Variants in SLC12A6 observed in about 807,000 individuals in gnomAD.
SLC12A6 encodes solute carrier family 12 member 6.
In SLC12A6, 66 loss-of-function variants were observed where a neutral mutation model predicts 135.3. The ratio of observed to expected loss-of-function variants is 0.49; its 90% CI spans 0.40 to 0.60. SLC12A6 has a LOEUF of 0.60. SLC12A6 is among the 20% of genes least tolerant of loss of function. SLC12A6 has a pLI of 0.00. For missense variants in SLC12A6, 1,058 were observed against 1,452.3 expected, an observed-to-expected ratio of 0.73 and a Z score of 4.41; for synonymous variants, 513 against 508.8, an observed-to-expected ratio of 1.01 and a Z score of -0.11.
intron 2 of SLC12A6, among the ~76,000 whole-genome samples, chr15:34,285,618 T>G (rs574769966): frequency 3.5e-5 from 5 of 143,148 alleles, no homozygotes; most frequent in Non-Finnish European, 6.0e-5. Flanking sequence ...CAAATGGCAG[T>G]AAGAAAAAAT....
intron 2 of SLC12A6, among the ~76,000 whole-genome samples, chr15:34,321,922 T>C (rs1889118987): frequency 6.6e-6 from 1 of 152,344 alleles, no homozygotes; most frequent in Non-Finnish European, 1.5e-5. Flanking sequence ...AACTAACCTA[T>C]GATGCAGAAA....
intron 3 of SLC12A6, among the ~76,000 whole-genome samples, chr15:34,266,274 A>G (rs950840459): frequency 3.3e-5 from 5 of 152,224 alleles, no homozygotes; most frequent in Non-Finnish European, 7.3e-5. Context: ...GAAAGCTGAT[A>G]TAATTTTATT....
chr15:34,281,288 A>G (rs1243535493), intron 2 of SLC12A6, among the ~76,000 whole-genome samples: 3 of 152,170 alleles, frequency 2.0e-5, no homozygotes, highest in African/African-American at 7.2e-5. Flanking sequence ...ATAGGTATTG[A>G]AAAAAAGATG....
intron 24 of SLC12A6, among the ~76,000 whole-genome samples, 157 bp downstream of exon 24, chr15:34,235,858 C>T (rs1190523824): frequency 6.6e-6 from 1 of 152,148 alleles, no homozygotes; most frequent in Non-Finnish European, 1.5e-5. Flanking sequence ...AGCTTGTGTA[C>T]AGTGTTCATT....
intron 2 of SLC12A6, among the ~76,000 whole-genome samples, chr15:34,308,820 T>C (rs1396614044): frequency 6.6e-6 from 1 of 152,038 alleles, no homozygotes; most frequent in Non-Finnish European, 1.5e-5. Context: ...TCCATGAAGA[T>C]AATAGAGCTT....
intron 2 of SLC12A6, among the ~76,000 whole-genome samples, chr15:34,310,510 C>T (rs1481922704): frequency 8.8e-6 from 1 of 114,020 alleles, no homozygotes; most frequent in African/African-American, 3.7e-5. Context: ...ATGTGTGTGT[C>T]CCCGTGGCCA....
At chr15:34,250,101 T>A (rs2140723269) in intron 13 of SLC12A6, among the ~76,000 whole-genome samples, 197 bp downstream of exon 13, 1 of 152,322 alleles carries the variant, frequency 6.6e-6, no homozygotes, top group East Asian at 1.9e-4. Context: ...GACAGGGTTT[T>A]GCCATGTTGC....
At position 34,254,501 on chromosome 15, in the gene SLC12A6, C is replaced by G. The variant is rs1892611317; in HGVS notation, c.965G>C (p.Gly322Ala). ...AAMLNNMRVY[G>A]TAFLVLMVLV... Reference sequence around the variant, plus strand: ...TACCATAAGGACCAAGAAAGCTGTGCCGTAGACACGCATGTTATTTAGCAT... The same window carrying G: ...TACCATAAGGACCAAGAAAGCTGTGGCGTAGACACGCATGTTATTTAGCAT... Residue 322 changes from glycine (G) to alanine (A), a missense_variant, in exon 9 of 26, where the codon GGC becomes GCC. Coordinates refer to ENST00000354181, the MANE Select transcript of SLC12A6 (RefSeq NM_001365088.1). The G allele has an allele frequency of 1.2e-6, 2 of 1,613,228 alleles. No homozygotes were observed. The highest frequency in any genetic ancestry group is 1.3e-5 in the African/African-American group (1 of 74,894).
At chr15:34,264,659 C>CT (rs1210734299) in intron 3 of SLC12A6, among the ~76,000 whole-genome samples, 5 of 151,876 alleles carry the variant, frequency 3.3e-5, no homozygotes, top group African/African-American at 4.8e-5. Context: ...ATATATCACT[C>CT]TTTTTTTTAA....
At chr15:34,284,123 A>T (rs1256796705) in intron 2 of SLC12A6, among the ~76,000 whole-genome samples, 9 of 151,962 alleles carry the variant, frequency 5.9e-5, no homozygotes, top group Non-Finnish European at 1.3e-4. Flanking sequence ...AAATGGGGAA[A>T]CCAGTTACAA....
intron 2 of SLC12A6, among the ~76,000 whole-genome samples, chr15:34,280,925 AG>A (rs560412407): frequency 3.2e-4 from 49 of 152,230 alleles, no homozygotes; most frequent in Non-Finnish European, 6.0e-4. Flanking sequence ...GAAATAAGCC[AG>A]GAACAGAAAG....
intron 3 of SLC12A6, among the ~76,000 whole-genome samples, chr15:34,265,074 G>A (rs981320122): frequency 9.2e-5 from 14 of 152,088 alleles, no homozygotes; most frequent in Non-Finnish European, 1.9e-4. Flanking sequence ...GCAGCCGCCT[G>A]TAGTCCCAGC....
chr15:34,239,235 T>G (rs1191080480), intron 19 of SLC12A6, 75 bp from the exon 20 acceptor site: 1 of 1,090,140 alleles, frequency 9.2e-7, no homozygotes, highest in African/African-American at 1.5e-5. Context: ...TTCTCCATAT[T>G]ATATCCCCCA....
rs1891620480 is a variant in SLC12A6, at chr15:34,241,218, T to C, written c.2267+15A>G. Reference sequence around the variant, plus strand: ...TTAACCATGTGCCAAATACTGCTAGTGTTGATTTCTTTACCTCCAGTTTTT... The same window carrying C: ...TTAACCATGTGCCAAATACTGCTAGCGTTGATTTCTTTACCTCCAGTTTTT... On this transcript the variant is annotated intron_variant, in intron 18 of 25. Transcript: ENST00000354181. 2 of 1,301,752 alleles carry C rather than the reference T, an allele frequency of 1.5e-6. No homozygotes were observed. Among genetic ancestry groups the C allele is most frequent in the Admixed American group, 1.7e-5 (1 of 59,610 alleles). The allele number at this position is 1,301,752 out of a possible 1,614,324, so 80.6% of individuals were successfully genotyped here.
Position 34,230,439 on chromosome 15 carries a change from T to C in SLC12A6, c.*3442A>G, listed in dbSNP as rs974949150. 1.3e-5 allele frequency: 2 copies of C among 152,338 alleles called. No homozygotes were observed. The highest frequency in any genetic ancestry group is 2.4e-5 in the African/African-American group (1 of 41,438). 9.4% of individuals were successfully genotyped at this position (152,338 alleles called of 1,614,324 possible). A position where few individuals can be genotyped will look rare whatever the true frequency, so the allele number is the denominator to read the frequency against. On this transcript the variant is annotated 3_prime_UTR_variant, in exon 26 of 26. Coordinates refer to ENST00000354181, the MANE Select transcript of SLC12A6 (RefSeq NM_001365088.1). The stretch of plus-strand genomic sequence containing the variant: ...CACAGGAATCTGAGGCAACGGAAGA[T>C]ATATAGAGTGATCGTCCCCCTGCCG...
Position 34,250,297 on chromosome 15 carries a change from C to T in SLC12A6, c.1649+1G>A. ...TTGTTACAAAGAAATTCATTACTCA[C>T]TTGTCTCTGAGAACAACCCCTTCAA... On this transcript the variant is annotated splice_donor_variant, in intron 13 of 25. Coordinates refer to ENST00000354181, the MANE Select transcript of SLC12A6 (RefSeq NM_001365088.1). LOFTEE classifies it high-confidence loss of function. 6.6e-7 allele frequency: 1 copy of T among 1,510,792 alleles called. No homozygotes were observed. Among genetic ancestry groups the T allele is most frequent in the East Asian group, 2.2e-5 (1 of 44,446 alleles). The allele number at this position is 1,510,792 out of a possible 1,614,324, so 93.6% of individuals were successfully genotyped here.
chr15:34,245,990 T>C (rs1891959264), intron 13 of SLC12A6, 123 bp from the exon 14 acceptor site: 1 of 777,490 alleles, frequency 1.3e-6, no homozygotes, highest in Non-Finnish European at 2.2e-6. Context: ...TAGAGTGCAG[T>C]GGTGTGATCT....
upstream of SLC12A6, chr15:34,337,809 T>TCGCGCTGCCGGGGCTGGCG (rs1890297484): frequency 6.6e-6 from 1 of 152,030 alleles, no homozygotes; most frequent in Non-Finnish European, 1.5e-5. Flanking sequence ...CGCGCAGGGT[T>TCGCGCTGCCGGGGCTGGCG]CGCGCTGCCG....
chr15:34,310,300 A>AGTGT (rs58503652), intron 2 of SLC12A6, among the ~76,000 whole-genome samples: 924 of 43,738 alleles, frequency 0.021, 48 homozygotes, highest in Middle Eastern at 0.04. Context: ...CCTGGGCTCA[A>AGTGT]GTGTGTGTGT....
Sources: gnomAD v4.1 joint callset for allele counts (sites outside exome capture counted in the v4.1 genomes callset) on GRCh38, gnomAD v4.1.1 for gene constraint, MANE v1.5 for transcripts, NCBI Gene and HGNC (gene_info 2026-07-23, HGNC 2026-07-21) for gene names.